Variants in TCTN3 observed in about 807,000 individuals in gnomAD.
The protein encoded by TCTN3 is tectonic family member 3.
TCTN3 carries 57 observed loss-of-function variants against 71.3 expected under a neutral mutation model. That is an observed-to-expected ratio of 0.80 (90% CI 0.65 to 1.00). The LOEUF is 1.00. Among genes scored for constraint, TCTN3 ranks in the 50% least tolerant of loss-of-function variants. The pLI, the probability that TCTN3 is intolerant of heterozygous loss-of-function variation, is 0.00. For synonymous variants in TCTN3, 258 were observed against 267.8 expected, an observed-to-expected ratio of 0.96 and a Z score of 0.36; for missense variants, 696 against 719.9, an observed-to-expected ratio of 0.97 and a Z score of 0.38.
At chr10:95,690,922 C>T (rs78816824) in intron 3 of TCTN3, among the ~76,000 whole-genome samples, 5 of 151,934 alleles carry the variant, frequency 3.3e-5, no homozygotes, top group Non-Finnish European at 7.4e-5. Context: ...GAATGTACAC[C>T]CCACCCTCGT....
At chr10:95,679,791 C>A (rs1202961470) in intron 13 of TCTN3, among the ~76,000 whole-genome samples, 1 of 151,312 alleles carries the variant, frequency 6.6e-6, no homozygotes, top group South Asian at 2.1e-4. Context: ...GGGGTTTCAC[C>A]ATTTTAGCCG....
rs766029244 is a variant in TCTN3 at position 95,672,685 on chromosome 10, CTTTTTTTTTTTT to C, written c.1590+7775_1590+7786del. On this transcript the variant is annotated intron_variant, in intron 13 of 13. Transcript: ENST00000371217. ...CCATTTGTGAAGTATCTGTTCAAAT[CTTTTTTTTTTTT>C]TTTTTTTTTTTTTAAGATGGAGTCT... is the stretch of plus-strand genomic sequence containing the variant. 5.4e-3 allele frequency among the ~76,000 whole-genome samples: 437 copies of C among 80,440 alleles called. 12 individuals carry two copies. Among genetic ancestry groups the C allele is most frequent in the East Asian group, 0.053 (150 of 2,844 alleles). The allele number at this position is 80,440 out of a possible 152,430, so 52.8% of individuals were successfully genotyped here.
chr10:95,669,137 G>A (rs2097928442), intron 13 of TCTN3, among the ~76,000 whole-genome samples: 2 of 152,200 alleles, frequency 1.3e-5, no homozygotes, highest in African/African-American at 4.8e-5. Flanking sequence ...GTAGTGGGGG[G>A]GTAGGAGGAA....
At chr10:95,675,641 C>A (rs190249394) in intron 13 of TCTN3, among the ~76,000 whole-genome samples, 40 of 152,256 alleles carry the variant, frequency 2.6e-4, no homozygotes, top group Non-Finnish European at 4.9e-4. Flanking sequence ...ACTACTGAGT[C>A]ATAGTTATTA....
At chr10:95,667,042 G>T (rs2097926365) in intron 13 of TCTN3, among the ~76,000 whole-genome samples, 1 of 152,124 alleles carries the variant, frequency 6.6e-6, no homozygotes, top group Non-Finnish European at 1.5e-5. Flanking sequence ...TATCCTTGAG[G>T]TCATCCCATA....
At chr10:95,664,343 T>A in intron 13 of TCTN3, 43 bp from the exon 14 acceptor site, 1 of 1,516,226 alleles carries the variant, frequency 6.6e-7, no homozygotes, top group Non-Finnish European at 9.1e-7. Flanking sequence ...TTGGTACCCA[T>A]TCATATAGCA....
At position 95,680,934 on chromosome 10, in the gene TCTN3, C is replaced by A. The variant is rs111513270; in HGVS notation, c.1453-325G>T. On this transcript the variant is annotated intron_variant, in intron 12 of 13. Transcript: ENST00000371217. ...GCTGGGATTACAGGTGCCCACCACA[C>A]CTAATTTTTATTTTTGTATTTTTAG... 0.032 allele frequency among the ~76,000 whole-genome samples: 4,736 copies of A among 150,112 alleles called. 95 individuals are homozygous for A. Among genetic ancestry groups the A allele is most frequent in the South Asian group, 0.082 (386 of 4,696 alleles).
chr10:95,693,553 AG>A, intron 1 of TCTN3, 77 bp from the exon 2 acceptor site: 2 of 1,549,150 alleles, frequency 1.3e-6, no homozygotes, highest in Non-Finnish European at 1.7e-6. Flanking sequence ...TTCTTCCGAC[AG>A]CCCCACTCCT....
At chr10:95,678,092 C>G (rs2097939201) in intron 13 of TCTN3, among the ~76,000 whole-genome samples, 1 of 152,196 alleles carries the variant, frequency 6.6e-6, no homozygotes, top group Non-Finnish European at 1.5e-5. Context: ...AAACTACAAA[C>G]TTTCAAACAG....
chr10:95,683,219 A>C (rs777277314), intron 10 of TCTN3, 24 bp from the exon 11 acceptor site: 10 of 1,600,794 alleles, frequency 6.2e-6, no homozygotes, highest in Non-Finnish European at 8.5e-6. Flanking sequence ...GTGATGATCA[A>C]GGACATCATA....
At chr10:95,664,504 A>G (rs1261771778) in intron 13 of TCTN3, among the ~76,000 whole-genome samples, 5 of 152,226 alleles carry the variant, frequency 3.3e-5, no homozygotes, top group Non-Finnish European at 5.9e-5. Flanking sequence ...TGATAGCAGA[A>G]CTGAACAGTT....
intron 2 of TCTN3, 72 bp from the exon 3 acceptor site, chr10:95,693,110 A>G: frequency 7.7e-7 from 1 of 1,303,752 alleles, no homozygotes; most frequent in South Asian, 1.3e-5. Flanking sequence ...TGTCCCAGCA[A>G]TATCGGCCAG....
chr10:95,666,964 G>C (rs2097926310), intron 13 of TCTN3, among the ~76,000 whole-genome samples: 1 of 152,078 alleles, frequency 6.6e-6, no homozygotes, highest in African/African-American at 2.4e-5. Flanking sequence ...CTTTTAATTG[G>C]TTTCAAACTT....
Position 95,693,854 on chromosome 10 carries a change from A to C in TCTN3, c.46T>G (p.Phe16Val). The change falls in exon 1 of 14, where the codon TTC (phenylalanine) becomes GTC (valine). Residue 16 changes from phenylalanine to valine, a missense_variant. Phe to Val is a conservative substitution (Grantham distance 50). Transcript: ENST00000371217. Reference protein sequence around the residue: ...LALLQVFFLVFPDGVRPQPSS... With the variant: ...LALLQVFFLVVPDGVRPQPSS... ...GGCTGAGGCCGGACGCCATCGGGGA[A>C]CACCAGAAAGAACACTTGCAGGAGC... is the stretch of plus-strand genomic sequence containing the variant. 1 of 1,551,706 alleles carries C rather than the reference A, an allele frequency of 6.4e-7. No homozygotes were observed.
At chr10:95,690,452 G>C (rs2139757557) in intron 3 of TCTN3, among the ~76,000 whole-genome samples, 1 of 152,350 alleles carries the variant, frequency 6.6e-6, no homozygotes, top group African/African-American at 2.4e-5. Flanking sequence ...GAACTTCTGA[G>C]GATGGGCTTA....
intron 13 of TCTN3, among the ~76,000 whole-genome samples, chr10:95,672,745 C>T (rs906296228): frequency 7.5e-6 from 1 of 133,924 alleles, no homozygotes; most frequent in African/African-American, 2.9e-5. Flanking sequence ...CAGGCTGGAG[C>T]GCAGTGGCAT....
At chr10:95,683,703 G>A (rs932291627) in intron 9 of TCTN3, 74 bp from the exon 10 acceptor site, 53 of 1,317,272 alleles carry the variant, frequency 4.0e-5, no homozygotes, top group East Asian at 7.1e-5. Context: ...TGGCTTCACC[G>A]TACCCTTCCT....
At position 95,664,070 on chromosome 10, in the gene TCTN3, C is replaced by G. The variant is rs1223795200; in HGVS notation, c.1821G>C (p.Met607Ile). 1 of 1,613,456 alleles carries G rather than the reference C, an allele frequency of 6.2e-7. No homozygotes were observed. The highest frequency in any genetic ancestry group is 8.5e-7 in the Non-Finnish European group (1 of 1,179,558). The stretch of plus-strand genomic sequence containing the variant: ...AAATCTGATTATTTTCTTTTCTTCA[C>G]ATAGTCTCTAGGTTGAGAACTCCAA... Reference protein sequence around the residue: ...LLLGVLNLETM With the variant: ...LLLGVLNLETI The change falls in exon 14 of 14, where the codon ATG becomes ATC. Residue 607 changes from methionine to isoleucine, a missense_variant. Met to Ile is a conservative substitution (Grantham distance 10). Coordinates refer to ENST00000371217, the MANE Select transcript of TCTN3 (RefSeq NM_015631.6).
chr10:95,689,952 C>T (rs552743465), intron 3 of TCTN3, among the ~76,000 whole-genome samples: 1 of 152,214 alleles, frequency 6.6e-6, no homozygotes, highest in African/African-American at 2.4e-5. Context: ...TGACTAAAAA[C>T]GTAATTTACT....
Sources: gnomAD v4.1 joint callset for allele counts (sites outside exome capture counted in the v4.1 genomes callset) on GRCh38, gnomAD v4.1.1 for gene constraint, MANE v1.5 for transcripts, NCBI Gene and HGNC (gene_info 2026-07-23, HGNC 2026-07-21) for gene names.